The following RGL1 variants were observed in gnomAD, a reference collection of about 807,000 sequenced individuals.
The protein encoded by RGL1 is ral guanine nucleotide dissociation stimulator-like 1.
Under a neutral mutation model 95.2 loss-of-function variants are expected in RGL1, and 24 were observed. The observed-to-expected ratio is 0.25, with a 90% CI of 0.18 to 0.35. The LOEUF is 0.35. RGL1 is among the 10% of genes least tolerant of loss of function. RGL1 has a pLI of 1.00. For missense variants in RGL1, 715 were observed against 936.3 expected (o/e 0.76, Z 3.08); for synonymous variants, 329 against 344.9 (o/e 0.95, Z 0.51).
rs1249182215 is a variant in RGL1 at position 183,713,381 on chromosome 1, C to CCA, written c.-32-28744_-32-28743insAC. 8.8e-4 allele frequency among the ~76,000 whole-genome samples: 118 copies of CCA among 134,022 alleles called. 14 individuals carry two copies. Among genetic ancestry groups the CCA allele is most frequent in the Non-Finnish European group, 9.2e-4 (58 of 63,064 alleles). 87.9% of individuals were successfully genotyped at this position (134,022 alleles called of 152,430 possible). A position where few individuals can be genotyped will look rare whatever the true frequency, so the allele number is the denominator to read the frequency against. On this transcript the variant is annotated intron_variant, in intron 1 of 18. Coordinates refer to the RGL1 transcript ENST00000304685. ...TGAAAAAAAAATCTAGAGGCACCCC[C>CCA]CCCCCCCGCTTTTATAATGACCCTT...
At chr1:183,652,565 A>T (rs1036837899) in intron 1 of RGL1, among the ~76,000 whole-genome samples, 1 of 151,822 alleles carries the variant, frequency 6.6e-6, no homozygotes, top group African/African-American at 2.4e-5. Context: ...ACCACAGATT[A>T]TCTTGTTAAC....
chr1:183,706,100 G>A (rs1654896442), intron 1 of RGL1, among the ~76,000 whole-genome samples: 1 of 152,148 alleles, frequency 6.6e-6, no homozygotes, highest in African/African-American at 2.4e-5. Context: ...AGCCCCAGAG[G>A]GGTCTGGGTT....
intron 13 of RGL1, among the ~76,000 whole-genome samples, chr1:183,906,217 G>C (rs184998421): frequency 1.2e-3 from 179 of 152,312 alleles, no homozygotes; most frequent in African/African-American, 3.9e-3. Context: ...TCTGAAGATG[G>C]CTGTATAATG....
chr1:183,700,945 G>T (rs1000564486), intron 1 of RGL1, among the ~76,000 whole-genome samples: 1 of 151,958 alleles, frequency 6.6e-6, no homozygotes, highest in African/African-American at 2.4e-5. Flanking sequence ...GTGATGTTCC[G>T]CTCCCTGTGT....
In RGL1 at chr1:183,926,176, C is replaced by T. The variant is rs778337823; in HGVS notation, c.2191C>T (p.Arg731Cys). The change falls in exon 18 of 18, where the codon CGC becomes TGC. Residue 731 changes from arginine (R) to cysteine (C), a missense_variant. By Grantham distance (180) the Arg-to-Cys change is radical (BLOSUM62 -3). This residue lies in a region of RGL1 where 330 missense variants were observed against 429.6 expected (regional missense o/e 0.77). Coordinates refer to ENST00000360851, the MANE Select transcript of RGL1 (RefSeq NM_001297671.3). Reference sequence around the variant, plus strand: ...CCAAGTGAACTTTGACTTCATTTTGCGCAAAAAGAACTCCATGGAAGAACA... The same window carrying T: ...CCAAGTGAACTTTGACTTCATTTTGTGCAAAAAGAACTCCATGGAAGAACA... Reference protein sequence around the residue: ...NSQVNFDFILRKKNSMEEQVK... With the variant: ...NSQVNFDFILCKKNSMEEQVK... The T allele has an allele frequency of 8.7e-6, 14 of 1,613,856 alleles. No homozygotes were observed. Among genetic ancestry groups the T allele is most frequent in the East Asian group, 2.2e-5 (1 of 44,888 alleles).
intron 1 of RGL1, among the ~76,000 whole-genome samples, chr1:183,715,174 TC>T (rs1655534465): frequency 6.6e-6 from 1 of 152,178 alleles, no homozygotes; most frequent in Non-Finnish European, 1.5e-5. Context: ...CTGCCCAGTT[TC>T]CCTCTCTGAG....
chr1:183,683,102 T>C (rs1653336105), intron 1 of RGL1, among the ~76,000 whole-genome samples: 1 of 152,196 alleles, frequency 6.6e-6, no homozygotes, highest in Non-Finnish European at 1.5e-5. Flanking sequence ...TACAGCACAC[T>C]GATGGGTCTT....
chr1:183,729,543 A>T (rs958898214), intron 1 of RGL1, among the ~76,000 whole-genome samples: 2 of 152,174 alleles, frequency 1.3e-5, no homozygotes, highest in South Asian at 4.1e-4. Flanking sequence ...AAATTGTACA[A>T]CCACTTTGGA....
At chr1:183,654,045 C>T (rs1650965533) in intron 1 of RGL1, among the ~76,000 whole-genome samples, 1 of 152,146 alleles carries the variant, frequency 6.6e-6, no homozygotes, top group African/African-American at 2.4e-5. Context: ...TGGCTGTAAG[C>T]AGACATACTC....
At chr1:183,919,698 C>CT (rs1669204320) in intron 16 of RGL1, among the ~76,000 whole-genome samples, 1 of 152,204 alleles carries the variant, frequency 6.6e-6, no homozygotes, top group Non-Finnish European at 1.5e-5. Context: ...ACCCATCACT[C>CT]TTTCGAAATG....
chr1:183,794,567 GTCC>G (rs1660602056), intron 2 of RGL1, among the ~76,000 whole-genome samples: 1 of 152,032 alleles, frequency 6.6e-6, no homozygotes, highest in Non-Finnish European at 1.5e-5. Context: ...CAATAAAAAA[GTCC>G]TCTTGTTCAC....
At chr1:183,723,775 T>C (rs1170199931) in intron 1 of RGL1, among the ~76,000 whole-genome samples, 1 of 152,152 alleles carries the variant, frequency 6.6e-6, no homozygotes, top group Non-Finnish European at 1.5e-5. Flanking sequence ...AGTGCTGGGC[T>C]CAGAGCCAGT....
At position 183,709,688 on chromosome 1, in the gene RGL1, A is replaced by C. The variant is rs550003016; in HGVS notation, c.-32-32438A>C. 2.6e-4 allele frequency: 56 copies of C among 215,532 alleles called. 1 individual carries two copies. In the South Asian group the frequency reaches 4.3e-3, roughly 17 times the overall value. The allele number at this position is 215,532 out of a possible 1,614,324, so 13.4% of individuals were successfully genotyped here. A position where few individuals can be genotyped will look rare whatever the true frequency, so the allele number is the denominator to read the frequency against. On this transcript the variant is annotated intron_variant, in intron 1 of 18. Coordinates refer to the RGL1 transcript ENST00000304685. ...AGGTCTCGGAAAGCAATGGCTAGTG[A>C]TCATGTGTTGTGGACACCCCACTCT...
intron 2 of RGL1, among the ~76,000 whole-genome samples, chr1:183,748,704 G>T (rs555482155): frequency 2.0e-5 from 3 of 152,000 alleles, no homozygotes; most frequent in Non-Finnish European, 4.4e-5. Flanking sequence ...CCTTTTATTT[G>T]TAATGTTAGT....
intron 1 of RGL1, among the ~76,000 whole-genome samples, chr1:183,657,289 TAA>T (rs1651239136): frequency 6.6e-6 from 1 of 152,200 alleles, no homozygotes; most frequent in African/African-American, 2.4e-5. Flanking sequence ...CTTTCTTTTT[TAA>T]AAAATTTTAT....
chr1:183,874,510 G>GA (rs1553300014), intron 4 of RGL1, among the ~76,000 whole-genome samples: 2 of 146,650 alleles, frequency 1.4e-5, no homozygotes, highest in Non-Finnish European at 3.0e-5. Flanking sequence ...TGCCGTGGAG[G>GA]TTTTTTTTTT....
chr1:183,797,649 T>A (rs1660766351), intron 2 of RGL1, among the ~76,000 whole-genome samples: 1 of 152,214 alleles, frequency 6.6e-6, no homozygotes, highest in African/African-American at 2.4e-5. Flanking sequence ...GGCTTACTGG[T>A]TAAGGAGTTT....
intron 1 of RGL1, among the ~76,000 whole-genome samples, chr1:183,673,773 C>T (rs1405012450): frequency 6.6e-6 from 1 of 152,162 alleles, no homozygotes; most frequent in Non-Finnish European, 1.5e-5. Flanking sequence ...CATGCCCTAC[C>T]CTTTGGGATC....
chr1:183,738,435 G>C (rs181381347), intron 1 of RGL1, among the ~76,000 whole-genome samples: 21 of 151,478 alleles, frequency 1.4e-4, no homozygotes, highest in Middle Eastern at 3.4e-3. Context: ...AAAAAAGAAA[G>C]AAAAAGAAAG....
Sources: allele counts gnomAD v4.1 joint callset (sites outside exome capture counted in the v4.1 genomes callset), GRCh38; gene constraint gnomAD v4.1.1; regional missense constraint gnomAD v4.1.1; transcripts MANE v1.5; gene names NCBI Gene and HGNC (gene_info 2026-07-23, HGNC 2026-07-21).